Variants in ROBO1 observed in about 807,000 individuals in gnomAD.
ROBO1 encodes the protein roundabout homolog 1.
In ROBO1, 149 loss-of-function variants were observed where a neutral mutation model predicts 195.9. The observed-to-expected ratio is 0.76, with a 90% CI of 0.67 to 0.87. The LOEUF (loss-of-function observed/expected upper bound fraction) is 0.87. Among genes scored for constraint, ROBO1 ranks in the 40% least tolerant of loss-of-function variants. The probability of loss-of-function intolerance (pLI) is 0.00; values close to 1 mark genes in which losing one functional copy is unlikely to be tolerated. For missense variants in ROBO1, 1,933 were observed against 2,068.3 expected (o/e 0.93, Z 1.27); for synonymous variants, 816 against 733.2 (o/e 1.11, Z -1.82).
At chr3:79,197,240 C>T (rs534547987) in intron 2 of ROBO1, among the ~76,000 whole-genome samples, 1 of 151,838 alleles carries the variant, frequency 6.6e-6, no homozygotes. Flanking sequence ...TCCCTGTGTC[C>T]ATGTGTTCTC....
At position 78,635,878 on chromosome 3, in the gene ROBO1, C is replaced by T; in HGVS notation, c.3268G>A (p.Gly1090Ser). 1 of 1,613,860 alleles carries T rather than the reference C, an allele frequency of 6.2e-7. No homozygotes were observed. Among genetic ancestry groups the T allele is most frequent in the Non-Finnish European group, 8.5e-7 (1 of 1,179,834 alleles). Reference sequence around the variant, plus strand: ...TGCTTCTCGCCAGAGTCCCCGCTGCCATTGTTCATGTTGTTGCTGAGGTTT... The same window carrying T: ...TGCTTCTCGCCAGAGTCCCCGCTGCTATTGTTCATGTTGTTGCTGAGGTTT... ...QSNLSNNMNN[G>S]SGDSGEKHWK... Residue 1090 changes from glycine (G) to serine (S), a missense_variant, in exon 23 of 31, where the codon GGC becomes AGC. Gly to Ser is a moderately conservative substitution (Grantham distance 56). This residue lies in a region of ROBO1 where 1,737 missense variants were observed against 1,882.5 expected (regional missense o/e 0.92). Coordinates refer to ENST00000464233, the MANE Select transcript of ROBO1 (RefSeq NM_002941.4).
chr3:79,656,240 C>CTT lies in ROBO1; in HGVS notation c.-50-66281_-50-66280dup, dbSNP rs529533969. ...TTTATTAATAGTAGTGGTATTTTTG[C>CTT]TTTTTTTTTTTAAATTTAAACACAT... On this transcript the variant is annotated intron_variant, in intron 1 of 30. Transcript: ENST00000464233. 7.8e-3 allele frequency among the ~76,000 whole-genome samples: 1,105 copies of CTT among 141,648 alleles called. 12 individuals carry two copies. The highest frequency in any genetic ancestry group is 0.027 in the African/African-American group (1,043 of 38,724). 92.9% of individuals were successfully genotyped at this position (141,648 alleles called of 152,430 possible).
At chr3:79,736,004 A>C (rs2107387069) in intron 1 of ROBO1, among the ~76,000 whole-genome samples, 2 of 152,322 alleles carry the variant, frequency 1.3e-5, no homozygotes, top group East Asian at 1.9e-4. Context: ...AAAGAAAAAT[A>C]AGATTTTGTT....
rs144008954 is a variant in ROBO1, at chr3:79,048,651, C to T, written c.172+76805G>A. 3.7e-3 allele frequency among the ~76,000 whole-genome samples: 558 copies of T among 152,174 alleles called. 7 individuals are homozygous for T. The highest frequency in any genetic ancestry group is 0.012 in the African/African-American group (519 of 41,526). On this transcript the variant is annotated intron_variant, in intron 3 of 30. Coordinates refer to ENST00000464233, the MANE Select transcript of ROBO1 (RefSeq NM_002941.4). ...TGAATAAAGTGTGCATTCCTCTCTC[C>T]TCATAGCTCCGCAATCTCTTCCCTC...
In ROBO1 at chr3:78,878,595, A is replaced by C. The variant is rs546518893; in HGVS notation, c.499+60006T>G. Among the ~76,000 whole-genome samples the C allele has an allele frequency of 5.7e-3, 867 of 151,114 alleles. 9 individuals carry two copies. The highest frequency in any genetic ancestry group is 0.02 in the African/African-American group (811 of 41,180). On this transcript the variant is annotated intron_variant, in intron 4 of 30. Coordinates refer to ENST00000464233, the MANE Select transcript of ROBO1 (RefSeq NM_002941.4). Reference sequence around the variant, plus strand: ...TGAAACCCCATCTCAAAAAAAAAAAAAAAAAAAAAAAAACTGCATAATGGG... The same window carrying C: ...TGAAACCCCATCTCAAAAAAAAAAACAAAAAAAAAAAAACTGCATAATGGG...
chr3:78,994,790 T>C (rs566340160), intron 3 of ROBO1, among the ~76,000 whole-genome samples: 5 of 152,216 alleles, frequency 3.3e-5, no homozygotes, highest in Non-Finnish European at 7.3e-5. Flanking sequence ...CTTGTAACAA[T>C]ATTTGTAGCC....
intron 3 of ROBO1, chr3:79,018,652 C>A (rs1303176825): frequency 2.8e-6 from 4 of 1,409,092 alleles, no homozygotes; most frequent in Non-Finnish European, 3.7e-6. Flanking sequence ...GAGACTTTTG[C>A]AGAGGAAGAA....
chr3:79,522,167 G>T (rs1196330905), intron 2 of ROBO1, among the ~76,000 whole-genome samples: 2 of 152,078 alleles, frequency 1.3e-5, no homozygotes, highest in Admixed American at 1.3e-4. Flanking sequence ...AATAAATTCT[G>T]TATTTTAATA....
chr3:79,496,415 C>A (rs151004303), intron 2 of ROBO1, among the ~76,000 whole-genome samples: 19,666 of 79,248 alleles, frequency 0.25, 2,511 homozygotes, highest in Non-Finnish European at 0.27. Context: ...CTCGCTCTGT[C>A]GCCCAGGCCG....
intron 3 of ROBO1, among the ~76,000 whole-genome samples, chr3:79,105,840 T>C (rs1169212970): frequency 6.6e-6 from 1 of 151,742 alleles, no homozygotes; most frequent in Non-Finnish European, 1.5e-5. Flanking sequence ...TGGCTACCAG[T>C]TGGTGTTTAT....
At chr3:79,559,801 C>A (rs531434751) in intron 2 of ROBO1, among the ~76,000 whole-genome samples, 1 of 152,158 alleles carries the variant, frequency 6.6e-6, no homozygotes, top group South Asian at 2.1e-4. Context: ...CCTGTTATCC[C>A]AGCTACTTAG....
intron 1 of ROBO1, among the ~76,000 whole-genome samples, chr3:79,715,425 G>A (rs1477390526): frequency 6.6e-6 from 1 of 152,076 alleles, no homozygotes; most frequent in Non-Finnish European, 1.5e-5. Context: ...AGATGGAGGC[G>A]AGACACTCTA....
intron 3 of ROBO1, among the ~76,000 whole-genome samples, chr3:78,973,327 A>G (rs898664642): frequency 4.6e-5 from 7 of 151,314 alleles, no homozygotes; most frequent in Admixed American, 2.6e-4. Flanking sequence ...TGTTAGACCA[A>G]TATCATCCAT....
At chr3:79,450,224 G>C (rs2039396893) in intron 2 of ROBO1, among the ~76,000 whole-genome samples, 6 of 151,830 alleles carry the variant, frequency 4.0e-5, no homozygotes, top group Admixed American at 3.9e-4. Flanking sequence ...TGATACTGAT[G>C]AAAGAGTCAA....
chr3:78,766,159 C>T (rs2083223656), intron 4 of ROBO1, among the ~76,000 whole-genome samples: 2 of 152,086 alleles, frequency 1.3e-5, no homozygotes, highest in Non-Finnish European at 2.9e-5. Flanking sequence ...CTTGCAACTT[C>T]CCAGTTGAAA....
At chr3:79,358,994 C>G (rs973345106) in intron 2 of ROBO1, among the ~76,000 whole-genome samples, 5 of 152,034 alleles carry the variant, frequency 3.3e-5, no homozygotes, top group Non-Finnish European at 7.4e-5. Context: ...AAACGTTCAT[C>G]TATAAATTAA....
chr3:78,951,369 ATC>A (rs1429012175), intron 3 of ROBO1, among the ~76,000 whole-genome samples: 1 of 152,114 alleles, frequency 6.6e-6, no homozygotes, highest in East Asian at 1.9e-4. Context: ...CCTATAAAAC[ATC>A]TGATAACCAT....
chr3:79,078,185 G>A (rs1169653183), intron 3 of ROBO1, among the ~76,000 whole-genome samples: 1 of 151,780 alleles, frequency 6.6e-6, no homozygotes, highest in African/African-American at 2.4e-5. Context: ...TTGTGATAGA[G>A]CAACATATTT....
intron 2 of ROBO1, among the ~76,000 whole-genome samples, chr3:79,576,771 A>G (rs1452276430): frequency 6.6e-6 from 1 of 152,206 alleles, no homozygotes; most frequent in African/African-American, 2.4e-5. Flanking sequence ...TACAAATAGA[A>G]AATGAATTCA....
Sources: gnomAD v4.1 joint callset for allele counts (sites outside exome capture counted in the v4.1 genomes callset) on GRCh38, gnomAD v4.1.1 for gene constraint, gnomAD v4.1.1 regional missense constraint, MANE v1.5 for transcripts, NCBI Gene and HGNC (gene_info 2026-07-23, HGNC 2026-07-21) for gene names.